C2: variants seen among roughly 807,000 people sequenced by gnomAD.
C2 encodes the protein complement C2, also known as C3/C5 convertase.
A neutral mutation model predicts 85.2 loss-of-function variants in C2; 64 were observed. That is an observed-to-expected ratio of 0.75 (90% confidence interval 0.61 to 0.92). The LOEUF is 0.92. Among genes scored for constraint, C2 ranks in the 40% least tolerant of loss-of-function variants. The pLI is 0.00. For missense variants in C2, 820 were observed against 971.6 expected (o/e 0.84, Z 2.07); for synonymous variants, 311 against 370.8 (o/e 0.84, Z 1.85).
At chr6:31,899,619 C>G (rs1767036189), upstream of C2, 1 of 303,882 alleles carries the variant, frequency 3.3e-6, no homozygotes, top group African/African-American at 2.2e-5. Context: ...TTTGTCTTCC[C>G]TCATTCTATA....
At chr6:31,942,223 A>G (rs1471662776) in intron 9 of C2, among the ~76,000 whole-genome samples, 2 of 149,046 alleles carry the variant, frequency 1.3e-5, no homozygotes, top group Non-Finnish European at 3.0e-5. Flanking sequence ...TGGTGATTAC[A>G]GGTGTGAGCC....
intron 6 of C2, chr6:31,934,557 A>G: frequency 1.4e-6 from 2 of 1,452,268 alleles, no homozygotes; most frequent in Non-Finnish European, 1.8e-6. Flanking sequence ...CCAGGAATTC[A>G]TCATCTAGAA....
chr6:31,942,385 G>A (rs609061), intron 9 of C2, among the ~76,000 whole-genome samples: 17,509 of 150,428 alleles, frequency 0.12, 1,190 homozygotes, highest in African/African-American at 0.19. Flanking sequence ...ATTAGGACTC[G>A]AACACATCTT....
chr6:31,919,486 T>C (rs906405397), upstream of C2, among the ~76,000 whole-genome samples: 14 of 151,934 alleles, frequency 9.2e-5, no homozygotes, highest in African/African-American at 3.4e-4. Flanking sequence ...CTACAAGGAG[T>C]AATAAAGGGG....
chr6:31,933,796 C>T lies in C2; in HGVS notation c.616+13C>T, dbSNP rs770363423. The T allele has an allele frequency of 2.5e-6, 4 of 1,613,662 alleles. No homozygotes were observed. On this transcript the variant is annotated intron_variant, in intron 4 of 17. Coordinates refer to ENST00000299367, the MANE Select transcript of C2 (RefSeq NM_000063.6). ...CCCATCTGCCGCCGTGAGTAGCTGC[C>T]CTGCCCTCCTGAGATTCCTCGGCAC...
At position 31,920,066 on chromosome 6, in the gene C2, CA is replaced by C. The variant is rs1415760183; in HGVS notation, c.-100+43del. 6.6e-6 allele frequency: 1 copy of C among 152,248 alleles called. No individual in the cohort carries two copies. The highest frequency in any genetic ancestry group is 1.5e-5 in the Non-Finnish European group (1 of 68,082). 9.4% of individuals were successfully genotyped at this position (152,248 alleles called of 1,614,324 possible). On this transcript the variant is annotated intron_variant, in intron 1 of 3. Coordinates refer to the C2 transcript ENST00000413154. The surrounding 1 kb of genome is among the most constrained non-coding windows in gnomAD (Gnocchi z 5.6). ...GAAATAGCTAATGAATTTGCCAAGC[CA>C]AACCTGAGGTTCCAGGCTGTCTTAA...
At chr6:31,917,122 G>C (rs1470078874), upstream of C2, among the ~76,000 whole-genome samples, 4 of 148,048 alleles carry the variant, frequency 2.7e-5, no homozygotes, top group African/African-American at 1.0e-4. Flanking sequence ...AGTGAGCCAA[G>C]ACGGCACCAC....
In C2 at chr6:31,928,073, G is replaced by C; in HGVS notation, c.165G>C (p.Leu55=). Residue 55 remains leucine (L), a synonymous_variant, in exon 2 of 18, where the codon CTG becomes CTC. Coordinates refer to ENST00000299367, the MANE Select transcript of C2 (RefSeq NM_000063.6). ...SLLTYSCPQG[L]YPSPASRLCK... ...TCACCTACTCCTGCCCCCAGGGCCTGTACCCATCCCCAGCATCACGGCTGT... is the reference window on the plus strand; with the variant it reads ...TCACCTACTCCTGCCCCCAGGGCCTCTACCCATCCCCAGCATCACGGCTGT... 1 of 1,614,078 alleles carries C rather than the reference G, an allele frequency of 6.2e-7. No homozygotes were observed. The highest frequency in any genetic ancestry group is 1.1e-5 in the South Asian group (1 of 91,078).
In C2 at chr6:31,902,367, C is replaced by T. The variant is rs371961539; in HGVS notation, c.73+1228C>T. The stretch of plus-strand genomic sequence containing the variant: ...CGGCTGCCCATGGCGCTACTCGCTC[C>T]GCGTCCCCGCGCCCCGCCCGCGCCG... On this transcript the variant is annotated intron_variant, in intron 1 of 3. Transcript: ENST00000452202. Among the ~76,000 whole-genome samples the T allele has an allele frequency of 1.2e-4, 18 of 151,956 alleles. No individual in the cohort carries two copies. In the East Asian group the frequency reaches 2.9e-3, roughly 25 times the overall value.
chr6:31,939,051 G>A (rs78593564), intron 8 of C2, among the ~76,000 whole-genome samples, 180 bp from the exon 9 acceptor site: 3,072 of 152,206 alleles, frequency 0.02, 87 homozygotes, highest in East Asian at 0.11. Context: ...CGCCTTCTTC[G>A]GTCTCCCAAA....
chr6:31,934,801 G>A (rs995615923), intron 6 of C2: 1 of 507,560 alleles, frequency 2.0e-6, no homozygotes, highest in African/African-American at 2.1e-5. Context: ...CTTGAGGTCA[G>A]GAGTTTGAGA....
In C2 at chr6:31,932,063, G is replaced by A. The variant is rs1280725782; in HGVS notation, c.443-1547G>A. ...GGGCTCCTCACTTCCCAGCAGGGGC[G>A]GCCGGGCAGAGGCGCCCCTCACTTC... On this transcript the variant is annotated intron_variant, in intron 3 of 17. Coordinates refer to ENST00000299367, the MANE Select transcript of C2 (RefSeq NM_000063.6). Among the ~76,000 whole-genome samples the A allele has an allele frequency of 1.6e-4, 22 of 135,824 alleles. 1 individual carries two copies. Among genetic ancestry groups the A allele is most frequent in the African/African-American group, 5.7e-4 (20 of 34,848 alleles). 89.1% of individuals were successfully genotyped at this position (135,824 alleles called of 152,430 possible). A position where few individuals can be genotyped will look rare whatever the true frequency, so the allele number is the denominator to read the frequency against.
At chr6:31,900,471 G>A, upstream of C2, 1 of 1,599,322 alleles carries the variant, frequency 6.3e-7, no homozygotes, top group African/African-American at 1.3e-5. This position sits in a 1 kb window ranked among gnomAD's most constrained non-coding sequence, Gnocchi z 9.7. Flanking sequence ...GGAATCAACA[G>A]CAGGCCCTCC....
At chr6:31,912,045 A>G (rs1768147780) in intron 1 of C2, among the ~76,000 whole-genome samples, 1 of 149,378 alleles carries the variant, frequency 6.7e-6, no homozygotes, top group Admixed American at 6.8e-5. Flanking sequence ...TGCTGGGATT[A>G]CAGGCGTTGA....
upstream of C2, among the ~76,000 whole-genome samples, chr6:31,916,650 C>T (rs1768531153): frequency 6.6e-6 from 1 of 151,826 alleles, no homozygotes; most frequent in Non-Finnish European, 1.5e-5. Flanking sequence ...CTGAATGTCT[C>T]CAGACGCTTT....
chr6:31,901,105 G>A (rs767142872), exon 1 of C2: 5 of 1,613,978 alleles, frequency 3.1e-6, no homozygotes, highest in Non-Finnish European at 8.5e-7. Context: ...GCAGCTCCGA[G>A]CTGGGGTTCA....
At chr6:31,929,011 G>A (rs1310502028) in intron 3 of C2, 94 bp downstream of exon 3, 2 of 1,154,502 alleles carry the variant, frequency 1.7e-6, no homozygotes, top group Non-Finnish European at 2.5e-6. Flanking sequence ...TGTGGGGATA[G>A]GAGTCTGTTG....
intron 8 of C2, 125 bp from the exon 9 acceptor site, chr6:31,939,106 A>G: frequency 1.3e-6 from 1 of 772,620 alleles, no homozygotes; most frequent in South Asian, 1.4e-5. Context: ...GCCTAAAAGT[A>G]TATTTTGAAG....
rs1767564940 is a variant in C2 at position 31,904,176 on chromosome 6, G to C, written c.73+3037G>C. 6.6e-6 allele frequency among the ~76,000 whole-genome samples: 1 copy of C among 152,008 alleles called. No homozygotes were observed. The highest frequency in any genetic ancestry group is 1.5e-5 in the Non-Finnish European group (1 of 68,020). On this transcript the variant is annotated intron_variant, in intron 1 of 3. Transcript: ENST00000452202. The surrounding 1 kb of genome is among the most constrained non-coding windows in gnomAD (Gnocchi z 4.4). ...AAAGCATTTTTATCTTGAAGGCCCT[G>C]ATCTCTCACAGGGCTAATGTGAGGT...
Sources: allele counts gnomAD v4.1 joint callset (sites outside exome capture counted in the v4.1 genomes callset), GRCh38; gene constraint gnomAD v4.1.1; non-coding constraint Gnocchi (gnomAD v3.1); transcripts MANE v1.5; gene names NCBI Gene and HGNC (gene_info 2026-07-23, HGNC 2026-07-21).